GTF2F2: variants seen among roughly 807,000 people sequenced by gnomAD.
GTF2F2 encodes ATP-dependent helicase GTF2F2.
In GTF2F2, 23 loss-of-function variants were observed where a neutral mutation model predicts 42.2. That is an observed-to-expected ratio of 0.55 (90% CI 0.39 to 0.77). GTF2F2 has a LOEUF of 0.77. GTF2F2 is among the 30% of genes least tolerant of loss of function. GTF2F2 has a pLI of 0.00. For synonymous variants in GTF2F2, 105 were observed against 100.8 expected, an observed-to-expected ratio of 1.04 and a Z score of -0.25; for missense variants, 261 against 287.2, an observed-to-expected ratio of 0.91 and a Z score of 0.66.
At chr13:45,259,369 T>G (rs1876237024) in intron 6 of GTF2F2, among the ~76,000 whole-genome samples, 1 of 152,028 alleles carries the variant, frequency 6.6e-6, no homozygotes, top group Non-Finnish European at 1.5e-5. Flanking sequence ...GAGGTTGCAG[T>G]GAGCCAAGGT....
chr13:45,168,523 G>T (rs1184682751), intron 4 of GTF2F2, among the ~76,000 whole-genome samples: 2 of 152,128 alleles, frequency 1.3e-5, no homozygotes, highest in African/African-American at 2.4e-5. Context: ...AGCTGGTACT[G>T]GTTTTCTACA....
intron 4 of GTF2F2, among the ~76,000 whole-genome samples, chr13:45,175,815 G>A (rs1303975451): frequency 1.3e-5 from 2 of 152,046 alleles, no homozygotes; most frequent in South Asian, 4.1e-4. Flanking sequence ...GTAGAGATGG[G>A]GTTTCTCTGT....
intron 4 of GTF2F2, among the ~76,000 whole-genome samples, chr13:45,174,079 CCACA>C (rs1446489513): frequency 6.6e-6 from 1 of 152,040 alleles, no homozygotes; most frequent in Admixed American, 6.6e-5. Flanking sequence ...TATGGATGTA[CCACA>C]GTACATCTAA....
chr13:45,279,459 G>A (rs1037534143), intron 7 of GTF2F2, among the ~76,000 whole-genome samples: 16 of 152,138 alleles, frequency 1.1e-4, no homozygotes, highest in Admixed American at 9.8e-4. Flanking sequence ...TTCTAAAACT[G>A]AACTAGAATT....
chr13:45,190,274 A>C (rs1019946293), intron 4 of GTF2F2, among the ~76,000 whole-genome samples: 2 of 152,252 alleles, frequency 1.3e-5, no homozygotes, highest in Admixed American at 1.3e-4. Flanking sequence ...CATGACATTA[A>C]AAATATTACT....
intron 1 of GTF2F2, among the ~76,000 whole-genome samples, chr13:45,129,979 C>G (rs1307893052): frequency 2.0e-5 from 3 of 152,214 alleles, no homozygotes; most frequent in Non-Finnish European, 4.4e-5. Flanking sequence ...ACAGAAATAA[C>G]AGCAAATGCG....
chr13:45,191,611 A>G (rs896413088), intron 4 of GTF2F2, among the ~76,000 whole-genome samples: 2 of 152,126 alleles, frequency 1.3e-5, no homozygotes, highest in African/African-American at 2.4e-5. Flanking sequence ...TTAGAGCACA[A>G]TATTTAGGCA....
At chr13:45,235,675 C>T (rs1352239252) in intron 5 of GTF2F2, among the ~76,000 whole-genome samples, 3 of 151,874 alleles carry the variant, frequency 2.0e-5, no homozygotes, top group Non-Finnish European at 2.9e-5. Context: ...TTGCAATTTC[C>T]GCCTCCCAGG....
intron 5 of GTF2F2, among the ~76,000 whole-genome samples, chr13:45,218,471 A>G (rs1430172013): frequency 1.3e-5 from 2 of 152,258 alleles, no homozygotes; most frequent in Non-Finnish European, 2.9e-5. Context: ...TCTCATGTGA[A>G]TGTGCCCCTT....
chr13:45,258,545 C>A (rs1437138881), intron 6 of GTF2F2, among the ~76,000 whole-genome samples: 1 of 152,134 alleles, frequency 6.6e-6, no homozygotes, highest in East Asian at 1.9e-4. Flanking sequence ...GCAAAGTGGC[C>A]CTTGACCTTT....
intron 4 of GTF2F2, among the ~76,000 whole-genome samples, chr13:45,178,882 G>T (rs1176133433): frequency 6.6e-6 from 1 of 152,138 alleles, no homozygotes; most frequent in African/African-American, 2.4e-5. Context: ...GCATTCAGCT[G>T]GGGGGTTGGC....
intron 7 of GTF2F2, among the ~76,000 whole-genome samples, chr13:45,275,659 T>C (rs922503720): frequency 2.6e-5 from 4 of 152,090 alleles, no homozygotes; most frequent in East Asian, 1.9e-4. Flanking sequence ...TGCAGAGTAT[T>C]CCATGGTGTA....
chr13:45,210,868 C>A (rs1469910105), intron 5 of GTF2F2, among the ~76,000 whole-genome samples: 1 of 152,128 alleles, frequency 6.6e-6, no homozygotes, highest in Non-Finnish European at 1.5e-5. Flanking sequence ...TCATTCTGGC[C>A]ATAGTATAAA....
At chr13:45,282,336 A>G (rs1482242572) in intron 7 of GTF2F2, among the ~76,000 whole-genome samples, 1 of 152,166 alleles carries the variant, frequency 6.6e-6, no homozygotes, top group Non-Finnish European at 1.5e-5. Flanking sequence ...GTCTAGTTTC[A>G]TATTACACTT....
chr13:45,199,915 C>T (rs980026349), intron 4 of GTF2F2, among the ~76,000 whole-genome samples: 3 of 152,094 alleles, frequency 2.0e-5, no homozygotes, highest in Admixed American at 1.3e-4. Context: ...AGGATCTGAA[C>T]AGGAGAACAG....
chr13:45,190,752 T>C (rs1233106052), intron 4 of GTF2F2, among the ~76,000 whole-genome samples: 1 of 151,988 alleles, frequency 6.6e-6, no homozygotes, highest in Non-Finnish European at 1.5e-5. Flanking sequence ...TTTTTTTGTT[T>C]TTGTTTTTGT....
At chr13:45,145,312 T>A (rs1419001283) in intron 2 of GTF2F2, among the ~76,000 whole-genome samples, 1 of 152,198 alleles carries the variant, frequency 6.6e-6, no homozygotes, top group East Asian at 1.9e-4. Context: ...CACTTGTTAT[T>A]TTTTTGACAT....
At chr13:45,240,478 T>A (rs544378937) in intron 5 of GTF2F2, among the ~76,000 whole-genome samples, 1 of 152,154 alleles carries the variant, frequency 6.6e-6, no homozygotes, top group African/African-American at 2.4e-5. Flanking sequence ...ATGGGAGAAT[T>A]GCTCATTTTA....
chr13:45,154,484 G>T (rs934353355), intron 4 of GTF2F2, among the ~76,000 whole-genome samples: 5 of 152,112 alleles, frequency 3.3e-5, no homozygotes, highest in African/African-American at 1.2e-4. Flanking sequence ...CCTTATTCTG[G>T]GGCTTGGACA....
Sources: gnomAD v4.1 joint callset for allele counts (sites outside exome capture counted in the v4.1 genomes callset) on GRCh38, gnomAD v4.1.1 for gene constraint, MANE v1.5 for transcripts, NCBI Gene and HGNC (gene_info 2026-07-23, HGNC 2026-07-21) for gene names.